Variants in UFL1 observed in about 807,000 individuals in gnomAD.
UFL1 encodes E3 UFM1-protein ligase 1.
UFL1 carries 78 observed loss-of-function variants against 99.3 expected under a neutral mutation model. The ratio of observed to expected loss-of-function variants is 0.79; its 90% CI spans 0.65 to 0.95. UFL1 has a LOEUF of 0.95. UFL1 is among the 40% of genes least tolerant of loss of function. UFL1 has a pLI of 0.00. For missense variants in UFL1, 936 were observed against 937.0 expected (o/e 1.00, Z 0.01); for synonymous variants, 335 against 322.2 (o/e 1.04, Z -0.42).
In UFL1 at chr6:96,522,067, A is replaced by T. The variant is rs924758963; in HGVS notation, c.77+117A>T. On this transcript the variant is annotated intron_variant, in intron 1 of 18. Transcript: ENST00000369278. The stretch of plus-strand genomic sequence containing the variant: ...CCGGGTCTTCTCGCTGCTTGTCACC[A>T]TTCTCTCCTCCTCCCTCTGTCCCGA... The T allele has an allele frequency of 1.3e-5, 15 of 1,149,798 alleles. No homozygotes were observed. In the African/African-American group the frequency reaches 2.2e-4, roughly 17 times the overall value. 71.2% of individuals were successfully genotyped at this position (1,149,798 alleles called of 1,614,324 possible). A position where few individuals can be genotyped will look rare whatever the true frequency, so the allele number is the denominator to read the frequency against.
chr6:96,543,888 C>A (rs1769964923), intron 12 of UFL1, among the ~76,000 whole-genome samples: 1 of 151,062 alleles, frequency 6.6e-6, no homozygotes, highest in African/African-American at 2.4e-5. Context: ...TCTCCATGTT[C>A]TAATGTGTTA....
chr6:96,525,740 T>C (rs997396868), intron 4 of UFL1, among the ~76,000 whole-genome samples: 1 of 151,916 alleles, frequency 6.6e-6, no homozygotes, highest in African/African-American at 2.4e-5. Flanking sequence ...AATATAAACT[T>C]CTATTTTTTT....
At chr6:96,543,346 A>G (rs1017124704) in intron 12 of UFL1, among the ~76,000 whole-genome samples, 2 of 151,236 alleles carry the variant, frequency 1.3e-5, no homozygotes, top group Non-Finnish European at 3.0e-5. Context: ...TTTGTCAATG[A>G]TTGGTCACTG....
In UFL1 at chr6:96,536,277, T is replaced by TA. The variant is rs1769851786; in HGVS notation, c.690dup (p.Arg231ThrfsTer11). Reference sequence around the variant, plus strand: ...GAGGAACTTGTTAATAGCGGACGCTTACGAGGCACTGTGGTTGGTGGGAGA... The same window carrying TA: ...GAGGAACTTGTTAATAGCGGACGCTTAACGAGGCACTGTGGTTGGTGGGAGA... On this transcript the variant is annotated frameshift_variant, in exon 8 of 19. Transcript: ENST00000369278. LOFTEE classifies it high-confidence loss of function. The TA allele has an allele frequency of 6.2e-7, 1 of 1,610,494 alleles. No homozygotes were observed. Among genetic ancestry groups the TA allele is most frequent in the Non-Finnish European group, 8.5e-7 (1 of 1,177,464 alleles).
chr6:96,542,215 G>C (rs1051873707), intron 11 of UFL1, among the ~76,000 whole-genome samples: 6 of 151,032 alleles, frequency 4.0e-5, no homozygotes, highest in Admixed American at 3.3e-4. Flanking sequence ...GTTTGCATTT[G>C]TTTCATAATT....
chr6:96,524,556 T>A, intron 3 of UFL1, 146 bp downstream of exon 3: 1 of 531,892 alleles, frequency 1.9e-6, no homozygotes, highest in East Asian at 3.5e-5. Context: ...ATACACTGAA[T>A]TGATTTAACA....
rs776548779 is a variant in UFL1 at position 96,528,514 on chromosome 6, C to T, written c.478C>T (p.Arg160Ter). 3.7e-6 allele frequency: 6 copies of T among 1,612,404 alleles called. No individual in the cohort carries two copies. Among genetic ancestry groups the T allele is most frequent in the Non-Finnish European group, 5.1e-6 (6 of 1,179,270 alleles). Residue 160 changes from arginine (R) to a stop codon, truncating the protein, a stop_gained, in exon 6 of 19, where the codon CGA becomes TGA. Transcript: ENST00000369278. LOFTEE classifies it high-confidence loss of function. ...GNFLTQALTQ[R>*]LGRIISGHID... ...TCTTTACCCACAGGCACTAACTCAGCGACTTGGTAGAATTATCAGTGGACA... is the reference window on the plus strand; with the variant it reads ...TCTTTACCCACAGGCACTAACTCAGTGACTTGGTAGAATTATCAGTGGACA...
rs1477163702 is a variant in UFL1, at chr6:96,536,640, T to G, written c.802+250T>G. Among the ~76,000 whole-genome samples, 4 of 151,824 alleles carry G rather than the reference T, an allele frequency of 2.6e-5. No individual in the cohort carries two copies. The East Asian group carries it at 7.7e-4, about 29-fold the overall frequency. On this transcript the variant is annotated intron_variant, in intron 8 of 18. Coordinates refer to ENST00000369278, the MANE Select transcript of UFL1 (RefSeq NM_015323.5). The stretch of plus-strand genomic sequence containing the variant: ...TTTCTGTGGGTCTTGGAACTGAGTT[T>G]AGTTCTATAGTTACTGAACAATTAT...
At chr6:96,550,873 G>A (rs187988130) in intron 15 of UFL1, among the ~76,000 whole-genome samples, 1 of 152,092 alleles carries the variant, frequency 6.6e-6, no homozygotes, top group Non-Finnish European at 1.5e-5. Flanking sequence ...ATACACTTCA[G>A]GGCCTGGTGT....
Position 96,553,424 on chromosome 6 carries a change from G to T in UFL1, c.2306G>T (p.Arg769Leu), listed in dbSNP as rs768541388. 1 of 1,613,706 alleles carries T rather than the reference G, an allele frequency of 6.2e-7. No individual in the cohort carries two copies. The highest frequency in any genetic ancestry group is 2.2e-5 in the East Asian group (1 of 44,822). Residue 769 changes from arginine to leucine, a missense_variant, in exon 19 of 19, where the codon CGT (arginine) becomes CTT (leucine). Physicochemically the swap from Arg to Leu is moderately radical, Grantham distance 102. Transcript: ENST00000369278. ...KEQEDVASTT[R>L]KELQELSSSI... ...CAAGAAGATGTTGCCAGTACTACTC[G>T]TAAAGAGCTTCAAGAACTTTCTTCA...
rs1442847295 is a variant in UFL1, at chr6:96,521,946, C to T, written c.73C>T (p.Gln25Ter). 1 of 1,611,666 alleles carries T rather than the reference C, an allele frequency of 6.2e-7. No homozygotes were observed. The highest frequency in any genetic ancestry group is 8.5e-7 in the Non-Finnish European group (1 of 1,179,182). The change falls in exon 1 of 19, where the codon CAG (glutamine) becomes TAG (stop). Residue 25 changes from glutamine to a stop codon, truncating the protein, a stop_gained. Coordinates refer to ENST00000369278, the MANE Select transcript of UFL1 (RefSeq NM_015323.5). LOFTEE classifies it high-confidence loss of function. ...GCGGGCGCAGTTCGCCGAGGCCACG[C>T]AGAGGTGCCCGACCCTCCCTCTCCT... Reference protein sequence around the residue: ...FQRAQFAEATQRLSERNCIEI... With the variant: ...FQRAQFAEAT
At chr6:96,535,371 AAAAC>A (rs1463658092) in intron 7 of UFL1, among the ~76,000 whole-genome samples, 2 of 152,028 alleles carry the variant, frequency 1.3e-5, no homozygotes, top group African/African-American at 2.4e-5. Flanking sequence ...TTTAATTTCT[AAAAC>A]AAAATGTTTA....
intron 5 of UFL1, 132 bp from the exon 6 acceptor site, chr6:96,528,370 C>T: frequency 9.3e-7 from 1 of 1,073,490 alleles, no homozygotes; most frequent in Non-Finnish European, 1.3e-6. Context: ...ATCTTGTAAT[C>T]TATGCTTGTT....
chr6:96,525,727 A>G (rs563000576), intron 4 of UFL1, among the ~76,000 whole-genome samples: 1 of 152,226 alleles, frequency 6.6e-6, no homozygotes, highest in Non-Finnish European at 1.5e-5. Flanking sequence ...AATACTTAGA[A>G]ATAATATAAA....
At chr6:96,546,787 T>C (rs185741052) in intron 12 of UFL1, among the ~76,000 whole-genome samples, 103 of 151,520 alleles carry the variant, frequency 6.8e-4, no homozygotes, top group African/African-American at 2.0e-3. Flanking sequence ...ATTCAATAAA[T>C]GGTTCTGGGA....
rs566843851 is a variant in UFL1, at chr6:96,547,543, C to T, written c.1403-621C>T. On this transcript the variant is annotated intron_variant, in intron 12 of 18. Transcript: ENST00000369278. ...CTTATGTTCTTTGAGGCATTATTCA[C>T]GATAGCAAAGTCATAGAACCAGCCT... is the stretch of plus-strand genomic sequence containing the variant. 2.6e-5 allele frequency among the ~76,000 whole-genome samples: 4 copies of T among 151,698 alleles called. No homozygotes were observed. The South Asian group carries it at 8.3e-4, about 32-fold the overall frequency.
rs1283353729 is a variant in UFL1 at position 96,540,674 on chromosome 6, G to A, written c.1279+19G>A. On this transcript the variant is annotated intron_variant, in intron 11 of 18. Coordinates refer to ENST00000369278, the MANE Select transcript of UFL1 (RefSeq NM_015323.5). ...GCAACAGGTAATAAATTGTTAACAA[G>A]GAATATTCAAAGTTTTGTATTTGTT... The A allele has an allele frequency of 6.3e-7, 1 of 1,587,328 alleles. No homozygotes were observed. Among genetic ancestry groups the A allele is most frequent in the Admixed American group, 1.9e-5 (1 of 53,926 alleles).
intron 1 of UFL1, 95 bp downstream of exon 1, chr6:96,522,045 G>C (rs1422589150): frequency 2.2e-6 from 3 of 1,349,990 alleles, no homozygotes; most frequent in East Asian, 5.3e-5. Context: ...CTGCATCCCG[G>C]GTCTTCTCGC....
chr6:96,525,219 T>C, intron 3 of UFL1, 78 bp from the exon 4 acceptor site: 3 of 1,153,322 alleles, frequency 2.6e-6, no homozygotes, highest in Non-Finnish European at 3.7e-6. Flanking sequence ...TCTTTAAAAA[T>C]ATAGTTCTAA....
Sources: gnomAD v4.1 joint callset for allele counts (sites outside exome capture counted in the v4.1 genomes callset) on GRCh38, gnomAD v4.1.1 for gene constraint, MANE v1.5 for transcripts, NCBI Gene and HGNC (gene_info 2026-07-23, HGNC 2026-07-21) for gene names.